The following PLAC1 variants were observed in gnomAD, a reference collection of about 807,000 sequenced individuals.
The protein encoded by PLAC1 is placenta associated 1.
For synonymous variants in PLAC1, 68 were observed against 62.1 expected (o/e 1.09, Z -0.44); for missense variants, 136 against 163.2 (o/e 0.83, Z 0.91).
chrX:134,678,566 C>T (rs2078483313), intron 2 of PLAC1, among the ~76,000 whole-genome samples: 1 of 111,619 alleles, frequency 9.0e-6, no homozygotes, highest in Non-Finnish European at 1.9e-5. Flanking sequence ...TAGCACTTAT[C>T]ACTACCTGAC....
At chrX:134,638,776 G>GCAAA (rs1208930315) in intron 1 of PLAC1, among the ~76,000 whole-genome samples, 2 of 107,806 alleles carry the variant, frequency 1.9e-5, no homozygotes, top group African/African-American at 6.7e-5. Context: ...AAAAAAAAAA[G>GCAAA]CAAACAAACA....
chrX:134,702,749 A>G, intron 2 of PLAC1, among the ~76,000 whole-genome samples: 1 of 112,059 alleles, frequency 8.9e-6, no homozygotes. Flanking sequence ...ATCTAAAACA[A>G]GAGTTGAAAT....
intron 2 of PLAC1, among the ~76,000 whole-genome samples, chrX:134,588,466 G>A (rs1053559179): frequency 6.4e-5 from 7 of 109,709 alleles, no homozygotes; most frequent in Admixed American, 9.9e-5. Flanking sequence ...GACCCTCCTT[G>A]TGTAGGGAAC....
At chrX:134,713,969 AG>A (rs1272598053) in intron 2 of PLAC1, among the ~76,000 whole-genome samples, 1 of 111,924 alleles carries the variant, frequency 8.9e-6, no homozygotes, top group African/African-American at 3.2e-5. Flanking sequence ...GGCAGCCTTG[AG>A]GGGCCCCTTG....
At chrX:134,716,426 G>A (rs976658987) in intron 2 of PLAC1, among the ~76,000 whole-genome samples, 1 of 112,832 alleles carries the variant, frequency 8.9e-6, no homozygotes, top group Admixed American at 9.3e-5. Context: ...TCCTTCTCAA[G>A]CACTGGAGCA....
intron 2 of PLAC1, among the ~76,000 whole-genome samples, chrX:134,685,297 A>T (rs1039303418): frequency 4.5e-5 from 5 of 111,349 alleles, no homozygotes; most frequent in African/African-American, 1.3e-4. Context: ...GATACATAGG[A>T]ATCCCTTCTC....
At chrX:134,569,105 A>T (rs190987753) in intron 2 of PLAC1, among the ~76,000 whole-genome samples, 1 of 111,450 alleles carries the variant, frequency 9.0e-6, no homozygotes, top group Non-Finnish European at 1.9e-5. Context: ...TTAACACCCA[A>T]GTTTAAGGCT....
At chrX:134,717,570 G>T (rs188136917) in intron 2 of PLAC1, among the ~76,000 whole-genome samples, 89 of 112,390 alleles carry the variant, frequency 7.9e-4, no homozygotes, top group African/African-American at 2.7e-3. Flanking sequence ...CAGACAAGTA[G>T]CTTTTATCAG....
chrX:134,643,091 G>A (rs1290427531), intron 1 of PLAC1, among the ~76,000 whole-genome samples: 1 of 112,018 alleles, frequency 8.9e-6, no homozygotes, highest in Non-Finnish European at 1.9e-5. Context: ...TAGTAATTGT[G>A]TAAGTCCTGG....
rs138446619 is a variant in PLAC1 at position 134,579,921 on chromosome X, C to T, written c.-58-13181G>A. Among the ~76,000 whole-genome samples, 557 of 111,577 alleles carry T rather than the reference C, an allele frequency of 5.0e-3. 4 individuals carry two copies. The highest frequency in any genetic ancestry group is 0.017 in the African/African-American group (524 of 30,687). ...CACCAAACATAGCTATTTCTCAGGC[C>T]AAGCCACCAGTTCTAAAATTGATCG... On this transcript the variant is annotated intron_variant, in intron 2 of 2. Coordinates refer to ENST00000359237, the MANE Select transcript of PLAC1 (RefSeq NM_021796.4).
intron 1 of PLAC1, among the ~76,000 whole-genome samples, chrX:134,752,565 C>T (rs1050644195): frequency 9.0e-6 from 1 of 111,087 alleles, no homozygotes; most frequent in Non-Finnish European, 1.9e-5. Flanking sequence ...ACACATTGCT[C>T]TGCTGATAAG....
intron 1 of PLAC1, among the ~76,000 whole-genome samples, chrX:134,747,492 G>A (rs1174453575): frequency 8.9e-6 from 1 of 111,869 alleles, no homozygotes; most frequent in Admixed American, 9.5e-5. Flanking sequence ...AGTGAAGTTT[G>A]CACTCTGCCA....
At chrX:134,607,847 T>C (rs1468166661) in intron 1 of PLAC1, among the ~76,000 whole-genome samples, 1 of 110,231 alleles carries the variant, frequency 9.1e-6, no homozygotes, top group Non-Finnish European at 1.9e-5. Flanking sequence ...AGCAAGGAAC[T>C]CAATTCTGTC....
chrX:134,752,175 C>A (rs2078746336), intron 1 of PLAC1, among the ~76,000 whole-genome samples: 1 of 112,187 alleles, frequency 8.9e-6, no homozygotes, highest in African/African-American at 3.2e-5. Context: ...CTGCTACAGT[C>A]TTTTCTCAGG....
At chrX:134,648,864 A>G (rs902504349) in intron 1 of PLAC1, among the ~76,000 whole-genome samples, 1 of 111,732 alleles carries the variant, frequency 8.9e-6, no homozygotes, top group Non-Finnish European at 1.9e-5. Context: ...GCAGGACCAC[A>G]CTCACCCAGA....
In PLAC1 at chrX:134,682,462, G is replaced by T. The variant is rs903712351; in HGVS notation, n.174+50973C>A. Among the ~76,000 whole-genome samples the T allele has an allele frequency of 2.7e-5, 3 of 111,767 alleles. No homozygotes were observed. The South Asian group carries it at 1.1e-3, about 43-fold the overall frequency. On this transcript the variant is annotated intron_variant and non_coding_transcript_variant, in intron 2 of 2. Transcript: ENST00000466797. ...TCTGAGGGGCTCAAGGGGAAAGGAA[G>T]GGTCCTTTGGCCAAATGACTCCTTC...
chrX:134,716,135 C>T (rs1014545316), intron 2 of PLAC1, among the ~76,000 whole-genome samples: 1 of 112,276 alleles, frequency 8.9e-6, no homozygotes, highest in Non-Finnish European at 1.9e-5. Flanking sequence ...TTTCCAGCTC[C>T]CCCGGGTCTC....
At chrX:134,646,160 GC>G (rs1201587916) in intron 1 of PLAC1, among the ~76,000 whole-genome samples, 1 of 112,029 alleles carries the variant, frequency 8.9e-6, no homozygotes, top group Non-Finnish European at 1.9e-5. Flanking sequence ...TGCTTCTTGA[GC>G]CTGGAGTGGA....
intron 2 of PLAC1, among the ~76,000 whole-genome samples, chrX:134,679,978 C>T (rs2078488869): frequency 8.9e-6 from 1 of 111,765 alleles, no homozygotes; most frequent in Non-Finnish European, 1.9e-5. Context: ...TATATTCCCA[C>T]TTGATCAAGC....
Sources: gnomAD v4.1 joint callset for allele counts (sites outside exome capture counted in the v4.1 genomes callset) on GRCh38, gnomAD v4.1.1 for gene constraint, MANE v1.5 for transcripts, NCBI Gene and HGNC (gene_info 2026-07-23, HGNC 2026-07-21) for gene names.